UPF3B: variants seen among roughly 807,000 people sequenced by gnomAD.
UPF3B encodes UPF3B regulator of nonsense mediated mRNA decay, also known as regulator of nonsense transcripts 3B.
A neutral mutation model predicts 40.3 loss-of-function variants in UPF3B; 7 were observed. The observed-to-expected ratio is 0.17, with a 90% CI of 0.10 to 0.33. The LOEUF is 0.33. Ranked by LOEUF, UPF3B falls within the 10% of genes least tolerant of loss-of-function variation. The pLI, the probability that UPF3B is intolerant of heterozygous loss-of-function variation, is 1.00. For missense variants in UPF3B, 229 were observed against 358.9 expected (o/e 0.64, Z 2.93); for synonymous variants, 117 against 117.3 (o/e 1.00, Z 0.01).
At chrX:119,824,157 G>A (rs1444708637) in intron 3 of UPF3B, among the ~76,000 whole-genome samples, 1 of 99,244 alleles carries the variant, frequency 1.0e-5, no homozygotes, top group Non-Finnish European at 2.0e-5. Flanking sequence ...GGTTGATCTG[G>A]CTGAGGGATT....
chrX:119,824,845 C>A (rs1288626972), intron 3 of UPF3B, among the ~76,000 whole-genome samples: 1 of 100,770 alleles, frequency 9.9e-6, no homozygotes, highest in East Asian at 3.1e-4. Context: ...CTGCTCACTG[C>A]AACCGCCGCC....
intron 10 of UPF3B, among the ~76,000 whole-genome samples, chrX:119,836,652 ATTT>A (rs1189730878): frequency 1.0e-5 from 1 of 96,743 alleles, no homozygotes; most frequent in African/African-American, 3.8e-5. Context: ...ATACTATTCG[ATTT>A]TTTTTTTTTT....
chrX:119,810,986 C>T (rs2055823664), intron 5 of UPF3B, among the ~76,000 whole-genome samples: 1 of 110,496 alleles, frequency 9.1e-6, no homozygotes, highest in East Asian at 2.8e-4. Flanking sequence ...AGTTTCTTGA[C>T]CTTGGTGGAT....
intron 4 of UPF3B, among the ~76,000 whole-genome samples, chrX:119,819,842 CTTTTTTTTTTT>C (rs34094727): frequency 4.4e-5 from 3 of 68,642 alleles, no homozygotes; most frequent in Non-Finnish European, 5.5e-5. Context: ...TCTATTTTTC[CTTTTTTTTTTT>C]TTTTTTTTTG....
At chrX:119,819,411 A>G (rs1037391866) in intron 4 of UPF3B, among the ~76,000 whole-genome samples, 8 of 111,128 alleles carry the variant, frequency 7.2e-5, no homozygotes, top group African/African-American at 2.6e-4. Flanking sequence ...CAAAATGCCC[A>G]GGAAAGCTTC....
chrX:119,823,538 A>G (rs1427730685), intron 3 of UPF3B, among the ~76,000 whole-genome samples: 2 of 93,409 alleles, frequency 2.1e-5, no homozygotes, highest in African/African-American at 8.1e-5. Context: ...CGCCTGGCCC[A>G]TTTCTTTTCT....
chrX:119,841,540 T>C (rs1225671501), intron 6 of UPF3B, among the ~76,000 whole-genome samples, 195 bp downstream of exon 6: 1 of 112,074 alleles, frequency 8.9e-6, no homozygotes, highest in Non-Finnish European at 1.9e-5. Flanking sequence ...TCCACGTTTG[T>C]AGAGTGAACT....
downstream of UPF3B, chrX:119,831,660 C>T: frequency 1.1e-5 from 8 of 751,502 alleles, no homozygotes; most frequent in Non-Finnish European, 1.3e-5. Flanking sequence ...TCCTGCTTTT[C>T]TTCTACTGGT....
At chrX:119,814,054 A>G (rs1356685500) in intron 5 of UPF3B, among the ~76,000 whole-genome samples, 1 of 112,175 alleles carries the variant, frequency 8.9e-6, no homozygotes, top group Non-Finnish European at 1.9e-5. Flanking sequence ...GTATCAAAAA[A>G]TTAATTTCTC....
chrX:119,848,281 C>CAAAA (rs144679153), intron 3 of UPF3B, among the ~76,000 whole-genome samples: 449 of 23,848 alleles, frequency 0.019, 35 homozygotes, highest in African/African-American at 0.057. Context: ...GACTCCATCT[C>CAAAA]AAAAAAAAAA....
chrX:119,821,034 G>A (rs931240399), intron 4 of UPF3B, among the ~76,000 whole-genome samples: 1 of 111,562 alleles, frequency 9.0e-6, no homozygotes, highest in African/African-American at 3.3e-5. Context: ...AATCCCCAGT[G>A]TTGTAGGTGG....
chrX:119,820,992 A>G (rs896049769), intron 4 of UPF3B, among the ~76,000 whole-genome samples: 1 of 111,079 alleles, frequency 9.0e-6, no homozygotes, highest in Admixed American at 9.6e-5. Flanking sequence ...GTAGTTTTGA[A>G]ATTTGTCCCC....
intron 5 of UPF3B, among the ~76,000 whole-genome samples, chrX:119,814,298 T>C (rs2147754980): frequency 9.0e-6 from 1 of 111,351 alleles, no homozygotes; most frequent in South Asian, 3.7e-4. Context: ...TACCTCTTAA[T>C]AAAAAAAATG....
chrX:119,809,169 C>T (rs769650910), intron 5 of UPF3B, among the ~76,000 whole-genome samples: 3 of 110,852 alleles, frequency 2.7e-5, no homozygotes, highest in Non-Finnish European at 3.8e-5. Context: ...AGGTGAATTG[C>T]GAGTATAGGA....
intron 4 of UPF3B, chrX:119,822,883 C>A: frequency 1.4e-6 from 1 of 716,474 alleles, no homozygotes; most frequent in African/African-American, 2.3e-5. Context: ...GCTGGGATTA[C>A]AGGCATGAGC....
chrX:119,822,610 T>C (rs755416728), intron 4 of UPF3B, among the ~76,000 whole-genome samples: 21 of 111,973 alleles, frequency 1.9e-4, no homozygotes, highest in Non-Finnish European at 2.6e-4. Flanking sequence ...TCTTTATTTT[T>C]TTTTAATTTT....
chrX:119,849,838 T>C (rs2056279113), intron 3 of UPF3B, among the ~76,000 whole-genome samples: 1 of 110,888 alleles, frequency 9.0e-6, no homozygotes, highest in Non-Finnish European at 1.9e-5. Context: ...GATGAGGACA[T>C]AAAGTGTGAC....
intron 3 of UPF3B, among the ~76,000 whole-genome samples, chrX:119,846,759 G>C (rs2056239717): frequency 3.6e-5 from 4 of 110,772 alleles, no homozygotes; most frequent in Non-Finnish European, 7.6e-5. Flanking sequence ...TTTAAAAAAA[G>C]TAAAAAATAG....
At chrX:119,839,687 C>T (rs1041393927) in intron 8 of UPF3B, among the ~76,000 whole-genome samples, 8 of 111,999 alleles carry the variant, frequency 7.1e-5, no homozygotes, top group African/African-American at 2.6e-4. Context: ...GGCACACAGA[C>T]AGCCACTGCA....
Sources: allele counts gnomAD v4.1 joint callset (sites outside exome capture counted in the v4.1 genomes callset), GRCh38; gene constraint gnomAD v4.1.1; transcripts MANE v1.5; gene names NCBI Gene and HGNC (gene_info 2026-07-23, HGNC 2026-07-21).